Variants in RAB11FIP5 observed in about 807,000 individuals in gnomAD.
RAB11FIP5 encodes the protein RAB11 family interacting protein 5.
Under a neutral mutation model 85.1 loss-of-function variants are expected in RAB11FIP5, and 48 were observed. The ratio of observed to expected loss-of-function variants is 0.56; its 90% CI spans 0.45 to 0.72. The LOEUF is 0.72. RAB11FIP5 is among the 30% of genes least tolerant of loss of function. The pLI is 0.00. For synonymous variants in RAB11FIP5, 729 were observed against 727.3 expected, an observed-to-expected ratio of 1.00 and a Z score of -0.04; for missense variants, 1,491 against 1,687.0, an observed-to-expected ratio of 0.88 and a Z score of 2.04.
rs115967155 is a variant in RAB11FIP5, at chr2:73,110,576, A to G, written c.431+1771T>C. The stretch of plus-strand genomic sequence containing the variant: ...TGGTGGAAAAGATGATTTCTATAAA[A>G]TAAATTAAGGTTCCCATTCAGATCA... On this transcript the variant is annotated intron_variant, in intron 1 of 5. Transcript: ENST00000486777. Among the ~76,000 whole-genome samples the G allele has an allele frequency of 2.9e-3, 442 of 152,342 alleles. 1 individual carries two copies. The highest frequency in any genetic ancestry group is 0.01 in the African/African-American group (421 of 41,580).
At position 73,080,664 on chromosome 2, in the gene RAB11FIP5, A is replaced by G. The variant is rs1015597704; in HGVS notation, c.2568T>C (p.Asp856=). 8.1e-7 allele frequency: 1 copy of G among 1,232,420 alleles called. No individual in the cohort carries two copies. The highest frequency in any genetic ancestry group is 1.5e-5 in the African/African-American group (1 of 64,524). The allele number at this position is 1,232,420 out of a possible 1,614,324, so 76.3% of individuals were successfully genotyped here. A position where few individuals can be genotyped will look rare whatever the true frequency, so the allele number is the denominator to read the frequency against. Residue 856 remains aspartate, a synonymous_variant, in exon 4 of 6, where the codon GAT becomes GAC. Coordinates refer to ENST00000486777, the MANE Select transcript of RAB11FIP5 (RefSeq NM_001371272.1). ...TASLVFRGES[D]EPAPQVQPES... ...CAGGCTGCACCTGGGGAGCAGGCTCATCAGACTCTCCCCGAAAGACTAGTG... is the reference window on the plus strand; with the variant it reads ...CAGGCTGCACCTGGGGAGCAGGCTCGTCAGACTCTCCCCGAAAGACTAGTG...
At position 73,088,400 on chromosome 2, in the gene RAB11FIP5, C is replaced by G; in HGVS notation, c.1218G>C (p.Leu406=). 1 of 1,613,918 alleles carries G rather than the reference C, an allele frequency of 6.2e-7. No homozygotes were observed. Among genetic ancestry groups the G allele is most frequent in the Non-Finnish European group, 8.5e-7 (1 of 1,180,050 alleles). Residue 406 remains leucine (L), a synonymous_variant, in exon 3 of 6, where the codon CTG becomes CTC. Transcript: ENST00000486777. ...SSEAVLGQEE[L]SAQAKVLAPG... ...GGGCCAGGACTTTAGCCTGAGCACT[C>G]AGCTCCTCCTGTCCAAGCACTGCCT...
chr2:73,085,912 A>C (rs533639512), intron 3 of RAB11FIP5, among the ~76,000 whole-genome samples: 1 of 152,264 alleles, frequency 6.6e-6, no homozygotes, highest in South Asian at 2.1e-4. Context: ...CAGGCTCCCC[A>C]GGCCCCAGCT....
chr2:73,108,514 G>A (rs1216522581), intron 1 of RAB11FIP5, among the ~76,000 whole-genome samples: 1 of 152,212 alleles, frequency 6.6e-6, no homozygotes, highest in Non-Finnish European at 1.5e-5. Context: ...TGGCCTTGTG[G>A]CAGATGCCCT....
intron 1 of RAB11FIP5, among the ~76,000 whole-genome samples, chr2:73,105,850 G>A (rs1400028164): frequency 6.6e-6 from 1 of 152,144 alleles, no homozygotes; most frequent in Non-Finnish European, 1.5e-5. Flanking sequence ...TGGTGGCCAA[G>A]AGCATAGACT....
chr2:73,085,535 T>C (rs533170589), intron 3 of RAB11FIP5, among the ~76,000 whole-genome samples: 9 of 152,224 alleles, frequency 5.9e-5, no homozygotes, highest in African/African-American at 2.2e-4. Flanking sequence ...GAATGGCTCA[T>C]AACAGGGCAG....
rs1007616763 is a variant in RAB11FIP5 at position 73,074,756 on chromosome 2, T to G, written c.*765A>C. 1 of 184,472 alleles carries G rather than the reference T, an allele frequency of 5.4e-6. No homozygotes were observed. Among genetic ancestry groups the G allele is most frequent in the African/African-American group, 2.3e-5 (1 of 42,726 alleles). 11.4% of individuals were successfully genotyped at this position (184,472 alleles called of 1,614,324 possible). A position where few individuals can be genotyped will look rare whatever the true frequency, so the allele number is the denominator to read the frequency against. On this transcript the variant is annotated 3_prime_UTR_variant, in exon 6 of 6. Coordinates refer to ENST00000486777, the MANE Select transcript of RAB11FIP5 (RefSeq NM_001371272.1). ...CCCCAGCCTGGAGGGACCTACACAT[T>G]GGAGGTGGTCAAGAGCTCGAAAAGC...
At position 73,081,193 on chromosome 2, in the gene RAB11FIP5, C is replaced by A; in HGVS notation, c.2039G>T (p.Gly680Val). Residue 680 changes from glycine (G) to valine (V), a missense_variant, in exon 4 of 6, where the codon GGG becomes GTG. By Grantham distance (109) the Gly-to-Val change is moderately radical. Around this residue, in one of 3 missense-constraint regions of RAB11FIP5, gnomAD observed 1,211 missense variants for 1,338.0 expected, o/e 0.91. Transcript: ENST00000486777. This position sits in a 1 kb window ranked among gnomAD's most constrained non-coding sequence, Gnocchi z 4.2. ...APAGVGLEAA[G>V]LQDPGPGAMT... ...GGCCCCAGGGCCTGGGTCTTGCAGC[C>A]CTGCCGCCTCCAGCCCCACTCCTGC... The A allele has an allele frequency of 4.1e-6, 5 of 1,232,296 alleles. No individual in the cohort carries two copies. Among genetic ancestry groups the A allele is most frequent in the Non-Finnish European group, 5.1e-6 (5 of 988,162 alleles). The allele number at this position is 1,232,296 out of a possible 1,614,324, so 76.3% of individuals were successfully genotyped here.
At chr2:73,076,232 G>A (rs1386060764) in intron 4 of RAB11FIP5, 50 bp from the exon 5 acceptor site, 34 of 1,489,640 alleles carry the variant, frequency 2.3e-5, no homozygotes, top group Non-Finnish European at 3.1e-5. Context: ...GGTGGCACGG[G>A]TCAAAGGTGG....
At position 73,074,818 on chromosome 2, in the gene RAB11FIP5, A is replaced by C; in HGVS notation, c.*703T>G. The C allele has an allele frequency of 4.6e-6, 1 of 216,242 alleles. No homozygotes were observed. The highest frequency in any genetic ancestry group is 9.4e-6 in the Non-Finnish European group (1 of 106,302). 13.4% of individuals were successfully genotyped at this position (216,242 alleles called of 1,614,324 possible). On this transcript the variant is annotated 3_prime_UTR_variant, in exon 6 of 6. Coordinates refer to ENST00000486777, the MANE Select transcript of RAB11FIP5 (RefSeq NM_001371272.1). ...CTCTCCGCACCCGCCCCTGCGCCCC[A>C]CACATTCCCATGTGACACTCGTGGA...
At chr2:73,102,326 A>C (rs1684445676) in intron 1 of RAB11FIP5, among the ~76,000 whole-genome samples, 1 of 152,184 alleles carries the variant, frequency 6.6e-6, no homozygotes, top group Non-Finnish European at 1.5e-5. Context: ...GTGAGGCAGG[A>C]GACCAGCAAG....
chr2:73,102,790 C>G (rs549991904), intron 1 of RAB11FIP5, among the ~76,000 whole-genome samples: 1 of 152,190 alleles, frequency 6.6e-6, no homozygotes, highest in African/African-American at 2.4e-5. Flanking sequence ...TTTTAAGGGC[C>G]TTGTGTGAGA....
At chr2:73,097,129 C>G (rs768517858) in intron 1 of RAB11FIP5, among the ~76,000 whole-genome samples, 1 of 152,190 alleles carries the variant, frequency 6.6e-6, no homozygotes, top group Non-Finnish European at 1.5e-5. Context: ...ACCTCCACCC[C>G]CAGGTCCAAG....
rs1683987651 is a variant in RAB11FIP5 at position 73,081,668 on chromosome 2, G to A, written c.1569-5C>T. On this transcript the variant is annotated splice_region_variant and splice_polypyrimidine_tract_variant and intron_variant, in intron 3 of 5. Coordinates refer to ENST00000486777, the MANE Select transcript of RAB11FIP5 (RefSeq NM_001371272.1). The surrounding 1 kb of genome is among the most constrained non-coding windows in gnomAD (Gnocchi z 4.2). ...ACCTGAGGAGACACGTCCAGGCTGTGGAGGGAGACAAAACCGTGAGCCTCC... is the reference window on the plus strand; with the variant it reads ...ACCTGAGGAGACACGTCCAGGCTGTAGAGGGAGACAAAACCGTGAGCCTCC... The A allele has an allele frequency of 8.1e-7, 1 of 1,231,914 alleles. No homozygotes were observed. Among genetic ancestry groups the A allele is most frequent in the African/African-American group, 1.6e-5 (1 of 64,374 alleles). 76.3% of individuals were successfully genotyped at this position (1,231,914 alleles called of 1,614,324 possible). A position where few individuals can be genotyped will look rare whatever the true frequency, so the allele number is the denominator to read the frequency against.
At chr2:73,094,639 C>G (rs981712854) in intron 1 of RAB11FIP5, among the ~76,000 whole-genome samples, 1 of 152,192 alleles carries the variant, frequency 6.6e-6, no homozygotes, top group Non-Finnish European at 1.5e-5. Flanking sequence ...CAAGGATGGT[C>G]CCTAACGCTT....
intron 1 of RAB11FIP5, among the ~76,000 whole-genome samples, chr2:73,110,640 T>C (rs577508730): frequency 6.6e-5 from 10 of 152,224 alleles, no homozygotes; most frequent in African/African-American, 2.4e-4. Context: ...AGGCTGTTCT[T>C]GGCTGAAAAT....
rs764979222 is a variant in RAB11FIP5, at chr2:73,081,589, G to A, written c.1643C>T (p.Pro548Leu). 3.3e-4 allele frequency: 403 copies of A among 1,211,090 alleles called. No homozygotes were observed. The highest frequency in any genetic ancestry group is 4.0e-4 in the Non-Finnish European group (390 of 968,814). 75.0% of individuals were successfully genotyped at this position (1,211,090 alleles called of 1,614,324 possible). Residue 548 changes from proline to leucine, a missense_variant, in exon 4 of 6, where the codon CCG becomes CTG. By Grantham distance (98) the Pro-to-Leu change is moderately conservative (BLOSUM62 -3). Transcript: ENST00000486777. This position sits in a 1 kb window ranked among gnomAD's most constrained non-coding sequence, Gnocchi z 4.2. Reference sequence around the variant, plus strand: ...AGTGGGAGCAGGAGTGGGAGGGGCCGGAGCCCAGGGGGAGCAGGGGAGGTG... The same window carrying A: ...AGTGGGAGCAGGAGTGGGAGGGGCCAGAGCCCAGGGGGAGCAGGGGAGGTG... ...PHHLPCSPWA[P>L]APPTPAPTAA...
chr2:73,111,797 T>G (rs1684660719), intron 1 of RAB11FIP5, among the ~76,000 whole-genome samples: 1 of 152,044 alleles, frequency 6.6e-6, no homozygotes, highest in Non-Finnish European at 1.5e-5. Flanking sequence ...CATCTCTAGA[T>G]AGTGGAGGGC....
chr2:73,105,157 C>T (rs1324919805), intron 1 of RAB11FIP5, among the ~76,000 whole-genome samples: 1 of 152,204 alleles, frequency 6.6e-6, no homozygotes, highest in East Asian at 1.9e-4. Flanking sequence ...CCCCCAAGCC[C>T]TGCTTGAAAG....
Sources: gnomAD v4.1 joint callset for allele counts (sites outside exome capture counted in the v4.1 genomes callset) on GRCh38, gnomAD v4.1.1 for gene constraint, gnomAD v4.1.1 regional missense constraint, Gnocchi (gnomAD v3.1) non-coding constraint, MANE v1.5 for transcripts, NCBI Gene and HGNC (gene_info 2026-07-23, HGNC 2026-07-21) for gene names.